GGNBP2: variants seen among roughly 807,000 people sequenced by gnomAD.
GGNBP2 encodes the protein gametogenetin binding protein 2.
A neutral mutation model predicts 85.9 loss-of-function variants in GGNBP2; 10 were observed. The ratio of observed to expected loss-of-function variants is 0.12; its 90% CI spans 0.07 to 0.20. The LOEUF is 0.20. Ranked by LOEUF, GGNBP2 falls within the 10% of genes least tolerant of loss-of-function variation. GGNBP2 has a pLI of 1.00. For synonymous variants in GGNBP2, 287 were observed against 285.7 expected (o/e 1.00, Z -0.05); for missense variants, 595 against 857.8 (o/e 0.69, Z 3.83).
At chr17:36,551,968 A>G (rs1403162619) in intron 2 of GGNBP2, among the ~76,000 whole-genome samples, 1 of 152,262 alleles carries the variant, frequency 6.6e-6, no homozygotes, top group African/African-American at 2.4e-5. Flanking sequence ...CCTAAGAACC[A>G]GACTGGAGAG....
At chr17:36,579,884 A>C (rs1015620047) in intron 8 of GGNBP2, among the ~76,000 whole-genome samples, 25 of 152,130 alleles carry the variant, frequency 1.6e-4, no homozygotes, top group Middle Eastern at 6.8e-3. Context: ...GGTGGCGGGC[A>C]CCTGTAATCC....
intron 10 of GGNBP2, 41 bp downstream of exon 10, chr17:36,585,491 A>C: frequency 7.3e-7 from 1 of 1,366,202 alleles, no homozygotes; most frequent in Non-Finnish European, 1.0e-6. Context: ...TCTTAACTCT[A>C]TTCTTTCTTA....
chr17:36,561,662 C>A (rs537112490), intron 5 of GGNBP2, among the ~76,000 whole-genome samples: 1 of 151,248 alleles, frequency 6.6e-6, no homozygotes, highest in Non-Finnish European at 1.5e-5. Context: ...TCTCCTCTGT[C>A]GCCCAGGCTG....
chr17:36,548,830 G>A lies in GGNBP2; in HGVS notation c.93+3013G>A, dbSNP rs146298155. On this transcript the variant is annotated intron_variant, in intron 2 of 13. Transcript: ENST00000613102. ...GTGGTAGAGTGTGCCTGTAGACCCA[G>A]CTACTGATGAGACTGAGGCAAGAGA... is the stretch of plus-strand genomic sequence containing the variant. Among the ~76,000 whole-genome samples the A allele has an allele frequency of 1.3e-3, 200 of 151,232 alleles. 2 individuals carry two copies. The highest frequency in any genetic ancestry group is 4.5e-3 in the African/African-American group (184 of 41,192).
chr17:36,562,836 A>G (rs1388701724), intron 5 of GGNBP2, among the ~76,000 whole-genome samples: 1 of 151,006 alleles, frequency 6.6e-6, no homozygotes, highest in Non-Finnish European at 1.5e-5. Flanking sequence ...ATGGTGGCAC[A>G]CATCTGTGAT....
intron 2 of GGNBP2, chr17:36,546,953 G>A (rs781103408): frequency 2.0e-4 from 30 of 152,124 alleles, no homozygotes; most frequent in African/African-American, 6.5e-4. Context: ...ACTTGATTGA[G>A]CTGCAGTACT....
At chr17:36,551,915 G>A (rs774270897) in intron 2 of GGNBP2, among the ~76,000 whole-genome samples, 2 of 152,118 alleles carry the variant, frequency 1.3e-5, no homozygotes, top group Non-Finnish European at 2.9e-5. Context: ...TAAAACAGTT[G>A]ATCAGAATAT....
chr17:36,573,510 A>G (rs1555607178), intron 6 of GGNBP2, among the ~76,000 whole-genome samples: 1 of 152,214 alleles, frequency 6.6e-6, no homozygotes, highest in Non-Finnish European at 1.5e-5. Flanking sequence ...ATATCTCTTC[A>G]AGATCCTTGC....
At chr17:36,545,860 G>C in intron 2 of GGNBP2, 43 bp downstream of exon 2, 1 of 1,402,836 alleles carries the variant, frequency 7.1e-7, no homozygotes. Flanking sequence ...TCCCCTGGCA[G>C]CTGTTTCCCC....
At chr17:36,569,382 A>G (rs2074500643) in intron 6 of GGNBP2, among the ~76,000 whole-genome samples, 10 of 152,224 alleles carry the variant, frequency 6.6e-5, no homozygotes, top group Admixed American at 6.5e-4. Flanking sequence ...ACTGCACTCC[A>G]ACGGAGCAAG....
chr17:36,548,781 T>C (rs1371337998), intron 2 of GGNBP2, among the ~76,000 whole-genome samples: 1 of 151,768 alleles, frequency 6.6e-6, no homozygotes, highest in Admixed American at 6.6e-5. Flanking sequence ...CTGTCTCTAC[T>C]GAAATACAAA....
Position 36,545,695 on chromosome 17 carries a change from G to A in GGNBP2, c.-30G>A. 1 of 1,524,938 alleles carries A rather than the reference G, an allele frequency of 6.6e-7. No homozygotes were observed. Among genetic ancestry groups the A allele is most frequent in the Non-Finnish European group, 8.9e-7 (1 of 1,122,362 alleles). 94.5% of individuals were successfully genotyped at this position (1,524,938 alleles called of 1,614,324 possible). ...CGGCGGCGGCAGCTGGGAGGAGGTG[G>A]TGACGGTGGCAACGGCAGCGTCGGG... On this transcript the variant is annotated 5_prime_UTR_variant, in exon 2 of 14. In the 5' UTR this introduces an upstream ATG that the reference lacks. Transcript: ENST00000613102.
At chr17:36,556,918 C>T (rs936860890) in intron 3 of GGNBP2, among the ~76,000 whole-genome samples, 165 bp from the exon 4 acceptor site, 2 of 151,974 alleles carry the variant, frequency 1.3e-5, no homozygotes, top group Non-Finnish European at 2.9e-5. Context: ...TTCCGTACAG[C>T]ATGGACAAAG....
At chr17:36,584,581 A>G (rs1326611466) in intron 9 of GGNBP2, among the ~76,000 whole-genome samples, 1 of 152,068 alleles carries the variant, frequency 6.6e-6, no homozygotes, top group East Asian at 1.9e-4. Flanking sequence ...CAAGTGATCC[A>G]CCTGCTTCAG....
intron 6 of GGNBP2, chr17:36,576,574 AAAAAAAAAAAAT>A (rs2074585442): frequency 7.0e-5 from 2 of 28,486 alleles, no homozygotes; most frequent in Admixed American, 4.8e-4. Context: ...AAAAAAAAAA[AAAAAAAAAAAAT>A]ATATATATAT....
Position 36,589,461 on chromosome 17 carries a change from C to A in GGNBP2, c.*50C>A. 1 of 1,387,094 alleles carries A rather than the reference C, an allele frequency of 7.2e-7. No individual in the cohort carries two copies. Among genetic ancestry groups the A allele is most frequent in the Non-Finnish European group, 1.0e-6 (1 of 992,966 alleles). The allele number at this position is 1,387,094 out of a possible 1,614,324, so 85.9% of individuals were successfully genotyped here. A position where few individuals can be genotyped will look rare whatever the true frequency, so the allele number is the denominator to read the frequency against. On this transcript the variant is annotated 3_prime_UTR_variant, in exon 14 of 14. Coordinates refer to ENST00000613102, the MANE Select transcript of GGNBP2 (RefSeq NM_024835.5). ...AATGAAACACTCACGATGACTACTG[C>A]GCCTTCTCTTTCGAAAAACTCTTAA... is the stretch of plus-strand genomic sequence containing the variant.
chr17:36,572,726 A>G (rs768458632), intron 6 of GGNBP2, among the ~76,000 whole-genome samples: 12 of 152,144 alleles, frequency 7.9e-5, no homozygotes, highest in Non-Finnish European at 1.6e-4. Flanking sequence ...TACCTTTCAA[A>G]CAGTTTTTAA....
intron 13 of GGNBP2, among the ~76,000 whole-genome samples, chr17:36,588,176 C>T (rs2074721801): frequency 6.6e-6 from 1 of 152,166 alleles, no homozygotes; most frequent in African/African-American, 2.4e-5. Flanking sequence ...GTATAGGTGG[C>T]CCTTGGAGGA....
At chr17:36,576,063 C>T (rs2074578465) in intron 6 of GGNBP2, among the ~76,000 whole-genome samples, 1 of 146,576 alleles carries the variant, frequency 6.8e-6, no homozygotes, top group South Asian at 2.3e-4. Context: ...CTAGGCCGGG[C>T]GTGGTGGCTG....
Sources: gnomAD v4.1 joint callset for allele counts (sites outside exome capture counted in the v4.1 genomes callset) on GRCh38, gnomAD v4.1.1 for gene constraint, MANE v1.5 for transcripts, NCBI Gene and HGNC (gene_info 2026-07-23, HGNC 2026-07-21) for gene names.